Variants in MYO3B observed in about 807,000 individuals in gnomAD.
MYO3B encodes myosin-IIIb.
Under a neutral mutation model 174.6 loss-of-function variants are expected in MYO3B, and 156 were observed. The observed-to-expected ratio is 0.89, with a 90% CI of 0.78 to 1.02. The LOEUF (loss-of-function observed/expected upper bound fraction) is 1.02. Ranked by LOEUF, MYO3B falls within the 50% of genes least tolerant of loss-of-function variation. MYO3B has a pLI of 0.00. For synonymous variants in MYO3B, 563 were observed against 569.1 expected (o/e 0.99, Z 0.15); for missense variants, 1,632 against 1,639.4 (o/e 1.00, Z 0.08).
chr2:170,439,820 A>G (rs1035518746), intron 22 of MYO3B, among the ~76,000 whole-genome samples: 6 of 152,142 alleles, frequency 3.9e-5, no homozygotes, highest in Admixed American at 3.9e-4. Context: ...AGCTGAGACC[A>G]CAGGTGCCCA....
chr2:170,186,568 T>C (rs1212556283), intron 1 of MYO3B, among the ~76,000 whole-genome samples: 2 of 152,236 alleles, frequency 1.3e-5, no homozygotes, highest in African/African-American at 2.4e-5. Flanking sequence ...ATCAGGAATA[T>C]TAGCCTGTAG....
intron 32 of MYO3B, chr2:170,650,019 C>CTTTTTTT (rs1017785949): frequency 3.0e-5 from 2 of 65,614 alleles, no homozygotes; most frequent in Non-Finnish European, 5.5e-5. Flanking sequence ...ATGTGATAGT[C>CTTTTTTT]TTTTTTTTTT....
chr2:170,214,340 G>T (rs13423313), intron 3 of MYO3B, 39 bp from the exon 4 acceptor site: 602,101 of 1,513,856 alleles, frequency 0.4, 120,755 homozygotes, highest in East Asian at 0.46. Context: ...TTCACATGTG[G>T]TCTCCTGCTC....
At chr2:170,514,787 G>T in intron 28 of MYO3B, 134 bp from the exon 29 acceptor site, 2 of 645,884 alleles carry the variant, frequency 3.1e-6, no homozygotes, top group Non-Finnish European at 5.4e-6. Flanking sequence ...GTTCATAAGT[G>T]AGATTAGTCA....
chr2:170,360,496 A>G (rs1289936714), intron 8 of MYO3B, among the ~76,000 whole-genome samples: 1 of 152,218 alleles, frequency 6.6e-6, no homozygotes, highest in Non-Finnish European at 1.5e-5. Flanking sequence ...ATCTACTATC[A>G]AACAGAAATT....
intron 32 of MYO3B, among the ~76,000 whole-genome samples, chr2:170,575,187 AAATC>A (rs1692711581): frequency 1.3e-5 from 2 of 152,200 alleles, no homozygotes; most frequent in South Asian, 4.1e-4. Context: ...GGCACTATTA[AAATC>A]ATGTTTACAA....
At chr2:170,239,985 T>A (rs914240175) in intron 7 of MYO3B, among the ~76,000 whole-genome samples, 1 of 152,234 alleles carries the variant, frequency 6.6e-6, no homozygotes, top group Admixed American at 6.5e-5. Context: ...CAGCTTTTCC[T>A]TGGCTTGTGG....
In MYO3B at chr2:170,595,172, C is replaced by T. The variant is rs146655488; in HGVS notation, c.3733+51184C>T. 5.8e-3 allele frequency among the ~76,000 whole-genome samples: 888 copies of T among 152,214 alleles called. 7 individuals carry two copies. The highest frequency in any genetic ancestry group is 0.02 in the African/African-American group (824 of 41,552). ...AATAGGAACGGTAACCATCGTTTTGCAGGGTTGTGGTGAGGAGTAAAGGTA... is the reference window on the plus strand; with the variant it reads ...AATAGGAACGGTAACCATCGTTTTGTAGGGTTGTGGTGAGGAGTAAAGGTA... On this transcript the variant is annotated intron_variant, in intron 32 of 34. Transcript: ENST00000408978.
chr2:170,616,529 T>G (rs1483766967), intron 32 of MYO3B, among the ~76,000 whole-genome samples: 2 of 152,220 alleles, frequency 1.3e-5, no homozygotes, highest in African/African-American at 4.8e-5. Context: ...TTTTATTCCA[T>G]AGCAACAGTT....
At position 170,407,835 on chromosome 2, in the gene MYO3B, A is replaced by G. The variant is rs1162979838; in HGVS notation, c.2641A>G (p.Thr881Ala). 4 of 1,613,908 alleles carry G rather than the reference A, an allele frequency of 2.5e-6. No individual in the cohort carries two copies. The African/African-American group carries it at 5.3e-5, about 22-fold the overall frequency. The change falls in exon 22 of 35, where the codon ACC becomes GCC. Residue 881 changes from threonine to alanine, a missense_variant. Thr to Ala is a moderately conservative substitution (Grantham distance 58). Transcript: ENST00000408978. ...TCAGCAGCTCTTCTCAATCCCTCTGACCAAAACAGGTACTTGGGAACCCTC... is the reference window on the plus strand; with the variant it reads ...TCAGCAGCTCTTCTCAATCCCTCTGGCCAAAACAGGTACTTGGGAACCCTC... ...LLQQLFSIPL[T>A]KTGNLAQTRA...
At chr2:170,428,241 G>C (rs576312415) in intron 22 of MYO3B, among the ~76,000 whole-genome samples, 6 of 152,286 alleles carry the variant, frequency 3.9e-5, no homozygotes, top group East Asian at 1.9e-4. Flanking sequence ...AAATATCCAG[G>C]CCTCTGTAAA....
chr2:170,254,723 C>A (rs182759810), intron 7 of MYO3B, among the ~76,000 whole-genome samples: 10 of 152,276 alleles, frequency 6.6e-5, no homozygotes, highest in East Asian at 5.8e-4. Context: ...AGAGAGGAGG[C>A]CTCACTCTCA....
At chr2:170,649,376 A>ATATATTATATATAAAATAATAT (rs1559202655) in intron 32 of MYO3B, among the ~76,000 whole-genome samples, 5 of 55,868 alleles carry the variant, frequency 8.9e-5, no homozygotes, top group African/African-American at 3.3e-4. Context: ...ATAAAAATAT[A>ATATATTATATATAAAATAATAT]AATATATTAT....
intron 7 of MYO3B, among the ~76,000 whole-genome samples, chr2:170,329,433 TG>T (rs764412760): frequency 6.6e-6 from 1 of 151,542 alleles, no homozygotes; most frequent in East Asian, 1.9e-4. Context: ...CAGGCTGGAG[TG>T]GAGTGATGCC....
chr2:170,354,464 C>A (rs576933855), intron 8 of MYO3B, among the ~76,000 whole-genome samples: 1 of 152,308 alleles, frequency 6.6e-6, no homozygotes, highest in East Asian at 1.9e-4. Flanking sequence ...GCTCAGGACA[C>A]ACCATAATAC....
chr2:170,574,653 G>A (rs1692675019), intron 32 of MYO3B, among the ~76,000 whole-genome samples: 2 of 152,158 alleles, frequency 1.3e-5, no homozygotes, highest in African/African-American at 2.4e-5. Context: ...GACAGTTATG[G>A]TGAGTTGTTT....
In MYO3B at chr2:170,407,733, G is replaced by A. The variant is rs2094519629; in HGVS notation, c.2539G>A (p.Gly847Arg). 6.2e-7 allele frequency: 1 copy of A among 1,613,910 alleles called. No homozygotes were observed. Among genetic ancestry groups the A allele is most frequent in the African/African-American group, 1.3e-5 (1 of 74,922 alleles). The part of the protein sequence containing the change: ...YAGKVLYDAS[G>R]VLEKNRDTLP... ...GTTACAGGTATTATATGATGCTTCT[G>A]GGGTTCTTGAGAAAAATAGAGACAC... The change falls in exon 22 of 35, where the codon GGG becomes AGG. Residue 847 changes from glycine (G) to arginine (R), a missense_variant. Physicochemically the swap from Gly to Arg is moderately radical, Grantham distance 125. Coordinates refer to ENST00000408978, the MANE Select transcript of MYO3B (RefSeq NM_138995.5).
intron 32 of MYO3B, among the ~76,000 whole-genome samples, chr2:170,648,674 T>G (rs1698576295): frequency 9.8e-6 from 1 of 101,890 alleles, no homozygotes; most frequent in African/African-American, 4.1e-5. Flanking sequence ...ATATTCTATA[T>G]AATATATATT....
chr2:170,516,990 C>T (rs988401635), intron 29 of MYO3B, among the ~76,000 whole-genome samples: 3 of 151,992 alleles, frequency 2.0e-5, no homozygotes, highest in African/African-American at 7.3e-5. Context: ...CTCCAATGTC[C>T]TTGTTCAGCA....
Sources: gnomAD v4.1 joint callset for allele counts (sites outside exome capture counted in the v4.1 genomes callset) on GRCh38, gnomAD v4.1.1 for gene constraint, MANE v1.5 for transcripts, NCBI Gene and HGNC (gene_info 2026-07-23, HGNC 2026-07-21) for gene names.